The following ZFAT variants were observed in gnomAD, a reference collection of about 807,000 sequenced individuals.
ZFAT encodes the protein zinc finger and AT-hook domain containing.
A neutral mutation model predicts 117.7 loss-of-function variants in ZFAT; 64 were observed. That is an observed-to-expected ratio of 0.54 (90% CI 0.44 to 0.67). ZFAT has a LOEUF of 0.67. Ranked by LOEUF, ZFAT falls within the 30% of genes least tolerant of loss-of-function variation. ZFAT has a pLI of 0.00. For missense variants in ZFAT, 1,433 were observed against 1,584.5 expected (o/e 0.90, Z 1.62); for synonymous variants, 679 against 615.0 (o/e 1.10, Z -1.54).
At chr8:134,634,651 AT>A (rs1173093909) in intron 3 of ZFAT, among the ~76,000 whole-genome samples, 2 of 152,236 alleles carry the variant, frequency 1.3e-5, no homozygotes, top group African/African-American at 4.8e-5. Context: ...TGAAAAATTG[AT>A]AAAAACCTAA....
At chr8:134,579,023 T>G (rs890800030) in intron 10 of ZFAT, among the ~76,000 whole-genome samples, 2 of 152,236 alleles carry the variant, frequency 1.3e-5, no homozygotes, top group African/African-American at 4.8e-5. Context: ...GAAAACTGGA[T>G]GTGGCACTCA....
intron 10 of ZFAT, among the ~76,000 whole-genome samples, chr8:134,579,365 CGTG>C (rs1321554336): frequency 6.6e-6 from 1 of 152,164 alleles, no homozygotes; most frequent in Non-Finnish European, 1.5e-5. Flanking sequence ...GCCTCACAAT[CGTG>C]GTGAAAGGCA....
chr8:134,789,511 CAA>C, the ZFAT span, among the ~76,000 whole-genome samples: 1 of 152,162 alleles, frequency 6.6e-6, no homozygotes, highest in Non-Finnish European at 1.5e-5. Context: ...ATTTTTCACT[CAA>C]AAGTCTTAAT....
chr8:134,769,751 C>T, the ZFAT span, among the ~76,000 whole-genome samples: 1 of 152,210 alleles, frequency 6.6e-6, no homozygotes, highest in African/African-American at 2.4e-5. Flanking sequence ...CCCCCATCCC[C>T]CACCCATCAA....
intron 10 of ZFAT, among the ~76,000 whole-genome samples, chr8:134,567,558 TG>T (rs2130782609): frequency 6.6e-6 from 1 of 152,258 alleles, no homozygotes; most frequent in Admixed American, 6.5e-5. Context: ...TCTATCCAGA[TG>T]ATGTACAGCA....
chr8:134,776,257 CCTATT>C, the ZFAT span, among the ~76,000 whole-genome samples: 1 of 152,164 alleles, frequency 6.6e-6, no homozygotes, highest in Non-Finnish European at 1.5e-5. Context: ...CAATGTTCTT[CCTATT>C]CTATTATTTT....
intron 2 of ZFAT, among the ~76,000 whole-genome samples, chr8:134,654,728 A>C (rs1831487800): frequency 1.3e-5 from 2 of 152,240 alleles, no homozygotes; most frequent in Admixed American, 1.3e-4. Flanking sequence ...AAGGCAAGAA[A>C]GCAAGGACAA....
intron 2 of ZFAT, among the ~76,000 whole-genome samples, chr8:134,643,639 C>T (rs1190843537): frequency 2.0e-5 from 3 of 152,226 alleles, no homozygotes; most frequent in Non-Finnish European, 4.4e-5. Context: ...AGGCTGTACC[C>T]TGTGTGAGGC....
intron 7 of ZFAT, among the ~76,000 whole-genome samples, chr8:134,591,124 C>A (rs1563642313): frequency 6.6e-6 from 1 of 152,198 alleles, no homozygotes; most frequent in East Asian, 1.9e-4. Context: ...CATATTACAT[C>A]CGCCAGCACT....
intron 10 of ZFAT, among the ~76,000 whole-genome samples, chr8:134,572,740 T>C (rs1218358579): frequency 6.6e-6 from 1 of 152,162 alleles, no homozygotes; most frequent in Non-Finnish European, 1.5e-5. Flanking sequence ...ATACCACTTT[T>C]TGGAGAAACA....
chr8:134,776,121 T>C, the ZFAT span, among the ~76,000 whole-genome samples: 5 of 152,228 alleles, frequency 3.3e-5, no homozygotes, highest in Non-Finnish European at 7.3e-5. Context: ...CAGAAGATCC[T>C]CTGTCCACAT....
the ZFAT span, among the ~76,000 whole-genome samples, chr8:134,759,910 G>T: frequency 6.9e-6 from 1 of 144,236 alleles, no homozygotes; most frequent in Non-Finnish European, 1.5e-5. Context: ...GATGGAGGTT[G>T]CAGTGAGCCA....
chr8:134,681,865 G>A (rs1260011060), intron 1 of ZFAT, among the ~76,000 whole-genome samples: 1 of 152,198 alleles, frequency 6.6e-6, no homozygotes, highest in Non-Finnish European at 1.5e-5. Context: ...CCAGATTGCT[G>A]TCACATCCAG....
intron 3 of ZFAT, among the ~76,000 whole-genome samples, chr8:134,628,608 T>C (rs1396743245): frequency 6.6e-6 from 1 of 152,260 alleles, no homozygotes; most frequent in African/African-American, 2.4e-5. Flanking sequence ...AGAATTCTTC[T>C]TTACCTTTCT....
chr8:134,548,163 A>T (rs1481833120), intron 11 of ZFAT, among the ~76,000 whole-genome samples: 3 of 152,244 alleles, frequency 2.0e-5, no homozygotes, highest in Non-Finnish European at 2.9e-5. Flanking sequence ...TTGTTCATTC[A>T]GCAAATATTT....
chr8:134,546,932 T>A (rs540198830), intron 11 of ZFAT, among the ~76,000 whole-genome samples: 2 of 152,240 alleles, frequency 1.3e-5, no homozygotes, highest in African/African-American at 4.8e-5. Context: ...GTATTTCTTT[T>A]AACGTGCATT....
At chr8:134,788,479 G>C in the ZFAT span, among the ~76,000 whole-genome samples, 2 of 152,122 alleles carry the variant, frequency 1.3e-5, no homozygotes, top group Non-Finnish European at 2.9e-5. Flanking sequence ...AATGTAAGAT[G>C]AATGCTTTTG....
At chr8:134,677,515 T>A (rs1018550842) in intron 1 of ZFAT, among the ~76,000 whole-genome samples, 3 of 152,138 alleles carry the variant, frequency 2.0e-5, no homozygotes, top group African/African-American at 7.2e-5. Context: ...ACCAGAGGTA[T>A]GAAAAGGAGC....
intron 12 of ZFAT, among the ~76,000 whole-genome samples, chr8:134,527,648 A>C (rs1444056412): frequency 6.6e-6 from 1 of 152,206 alleles, no homozygotes; most frequent in African/African-American, 2.4e-5. Flanking sequence ...TCCTGGTGAC[A>C]TGGCATGCAA....
Sources: allele counts gnomAD v4.1 joint callset (sites outside exome capture counted in the v4.1 genomes callset), GRCh38; gene constraint gnomAD v4.1.1; transcripts MANE v1.5; gene names NCBI Gene and HGNC (gene_info 2026-07-23, HGNC 2026-07-21).